The following MYO3B variants were observed in gnomAD, a reference collection of about 807,000 sequenced individuals.
MYO3B encodes the protein myosin IIIB.
Under a neutral mutation model 174.6 loss-of-function variants are expected in MYO3B, and 156 were observed. The ratio of observed to expected loss-of-function variants is 0.89; its 90% CI spans 0.78 to 1.02. MYO3B has a LOEUF of 1.02. Among genes scored for constraint, MYO3B ranks in the 50% least tolerant of loss-of-function variants. The pLI is 0.00. For synonymous variants in MYO3B, 563 were observed against 569.1 expected, an observed-to-expected ratio of 0.99 and a Z score of 0.15; for missense variants, 1,632 against 1,639.4, an observed-to-expected ratio of 1.00 and a Z score of 0.08.
At chr2:170,613,073 GTC>G (rs1185863346) in intron 32 of MYO3B, among the ~76,000 whole-genome samples, 1 of 152,148 alleles carries the variant, frequency 6.6e-6, no homozygotes, top group Non-Finnish European at 1.5e-5. Context: ...CCATACTCCA[GTC>G]TCTCTCACCA....
At chr2:170,596,266 A>T (rs74576829) in intron 32 of MYO3B, among the ~76,000 whole-genome samples, 2,644 of 152,340 alleles carry the variant, frequency 0.017, 76 homozygotes, top group African/African-American at 0.06. Flanking sequence ...AAATAATTCA[A>T]GTCCCATCAC....
intron 8 of MYO3B, among the ~76,000 whole-genome samples, chr2:170,362,923 C>A (rs2094172332): frequency 6.6e-6 from 1 of 152,156 alleles, no homozygotes; most frequent in African/African-American, 2.4e-5. Flanking sequence ...TCTTGTCTTG[C>A]AGAATGGAAA....
intron 7 of MYO3B, among the ~76,000 whole-genome samples, chr2:170,252,980 G>C (rs1348111562): frequency 2.6e-5 from 4 of 152,200 alleles, no homozygotes; most frequent in Non-Finnish European, 5.9e-5. Context: ...AGATCATGTA[G>C]TGCCTTATGA....
chr2:170,178,410 G>T (rs1434115944), intron 1 of MYO3B, 121 bp downstream of exon 1: 43 of 1,259,230 alleles, frequency 3.4e-5, no homozygotes, highest in Non-Finnish European at 1.0e-5. Context: ...AGCCACTCTG[G>T]CTTTGGGCCT....
At chr2:170,472,482 T>C (rs1685031820) in intron 25 of MYO3B, among the ~76,000 whole-genome samples, 1 of 152,166 alleles carries the variant, frequency 6.6e-6, no homozygotes. Flanking sequence ...AGCTAAATCC[T>C]ACTCATTCCT....
At chr2:170,392,581 G>T in intron 16 of MYO3B, 86 bp downstream of exon 16, 1 of 895,498 alleles carries the variant, frequency 1.1e-6, no homozygotes, top group Non-Finnish European at 1.6e-6. Context: ...CTTGGGATAA[G>T]ACACTTGCTT....
At chr2:170,559,298 T>C (rs1373485799) in intron 32 of MYO3B, among the ~76,000 whole-genome samples, 1 of 152,210 alleles carries the variant, frequency 6.6e-6, no homozygotes, top group African/African-American at 2.4e-5. Flanking sequence ...TCCTCTTTGT[T>C]CTTTAAATAA....
At chr2:170,523,756 T>C (rs1212088062) in intron 30 of MYO3B, among the ~76,000 whole-genome samples, 2 of 152,174 alleles carry the variant, frequency 1.3e-5, no homozygotes, top group African/African-American at 4.8e-5. Context: ...TGCCAATGTC[T>C]GGAGCAGGAA....
chr2:170,251,059 G>T (rs894272016), intron 7 of MYO3B, among the ~76,000 whole-genome samples: 1 of 151,974 alleles, frequency 6.6e-6, no homozygotes. Flanking sequence ...ACGGGTATTC[G>T]GGCTTGAGGG....
chr2:170,459,032 C>G (rs80001897), intron 23 of MYO3B, among the ~76,000 whole-genome samples: 2 of 152,128 alleles, frequency 1.3e-5, no homozygotes. Context: ...TCATCCCTCC[C>G]GGTGGGTTTG....
chr2:170,629,053 C>T (rs1011880403), intron 32 of MYO3B, among the ~76,000 whole-genome samples: 4 of 152,126 alleles, frequency 2.6e-5, no homozygotes, highest in Non-Finnish European at 1.5e-5. Context: ...TCATCCATAC[C>T]CACAGTGTTC....
At chr2:170,522,108 C>G (rs1688704436) in intron 30 of MYO3B, among the ~76,000 whole-genome samples, 1 of 152,152 alleles carries the variant, frequency 6.6e-6, no homozygotes, top group Non-Finnish European at 1.5e-5. Flanking sequence ...GGCAATTCTC[C>G]AAGTCTTAGA....
intron 8 of MYO3B, chr2:170,350,662 G>A (rs367870090): frequency 6.6e-6 from 1 of 152,152 alleles, no homozygotes; most frequent in African/African-American, 2.4e-5. Flanking sequence ...ATAAAATTAG[G>A]TTAAAATCAA....
At chr2:170,583,315 A>C (rs533508786) in intron 32 of MYO3B, among the ~76,000 whole-genome samples, 50 of 152,256 alleles carry the variant, frequency 3.3e-4, no homozygotes, top group Non-Finnish European at 6.8e-4. Flanking sequence ...AGAGGCTCTC[A>C]GTGGTTCAGT....
chr2:170,564,608 G>A lies in MYO3B; in HGVS notation c.3733+20620G>A, dbSNP rs140962810. On this transcript the variant is annotated intron_variant, in intron 32 of 34. Transcript: ENST00000408978. ...TGGAAAAGACACACTTTGTTAGCATGCTGATCGAAGTATAAAGATACAATT... is the reference window on the plus strand; with the variant it reads ...TGGAAAAGACACACTTTGTTAGCATACTGATCGAAGTATAAAGATACAATT... Among the ~76,000 whole-genome samples, 191 of 152,274 alleles carry A rather than the reference G, an allele frequency of 1.3e-3. 1 individual carries two copies. The highest frequency in any genetic ancestry group is 2.2e-3 in the Non-Finnish European group (153 of 68,012).
chr2:170,418,021 A>C (rs999538226), intron 22 of MYO3B, among the ~76,000 whole-genome samples: 1 of 152,220 alleles, frequency 6.6e-6, no homozygotes, highest in Non-Finnish European at 1.5e-5. Flanking sequence ...TGGGGCTGCC[A>C]AGCCCTAGGC....
chr2:170,437,868 C>A (rs1027524422), intron 22 of MYO3B, among the ~76,000 whole-genome samples: 3 of 152,152 alleles, frequency 2.0e-5, no homozygotes, highest in African/African-American at 7.2e-5. Flanking sequence ...CCTTCAGCAC[C>A]TTTTTTCTTC....
chr2:170,327,875 ACAC>A (rs2093880443), intron 7 of MYO3B, among the ~76,000 whole-genome samples: 1 of 38,150 alleles, frequency 2.6e-5, no homozygotes, highest in African/African-American at 5.0e-5. Context: ...ATATATATAT[ACAC>A]TATATATAGT....
intron 30 of MYO3B, among the ~76,000 whole-genome samples, chr2:170,537,150 G>A (rs1445605669): frequency 2.7e-5 from 4 of 148,352 alleles, no homozygotes; most frequent in Admixed American, 6.8e-5. Context: ...GCAGTGAGCC[G>A]AGATCGTGCC....
Sources: gnomAD v4.1 joint callset for allele counts (sites outside exome capture counted in the v4.1 genomes callset) on GRCh38, gnomAD v4.1.1 for gene constraint, MANE v1.5 for transcripts, NCBI Gene and HGNC (gene_info 2026-07-23, HGNC 2026-07-21) for gene names.